ADCY5: variants seen among roughly 807,000 people sequenced by gnomAD.
The protein encoded by ADCY5 is adenylate cyclase 5.
ADCY5 carries 30 observed loss-of-function variants against 119.7 expected under a neutral mutation model. The ratio of observed to expected loss-of-function variants is 0.25; its 90% confidence interval spans 0.19 to 0.34. The LOEUF is 0.34. Among genes scored for constraint, ADCY5 ranks in the 10% least tolerant of loss-of-function variants. The probability of loss-of-function intolerance (pLI) is 1.00; values close to 1 mark genes in which losing one functional copy is unlikely to be tolerated. For missense variants in ADCY5, 1,324 were observed against 1,775.2 expected (o/e 0.75, Z 4.57); for synonymous variants, 753 against 762.2 (o/e 0.99, Z 0.20).
intron 3 of ADCY5, among the ~76,000 whole-genome samples, chr3:123,332,922 CTTT>C (rs74595302): frequency 7.1e-6 from 1 of 140,700 alleles, no homozygotes; most frequent in Non-Finnish European, 1.6e-5. Flanking sequence ...ACCTGGCTAA[CTTT>C]TTTTTTTTTT....
chr3:123,391,896 G>C (rs1944410437), intron 1 of ADCY5, among the ~76,000 whole-genome samples: 1 of 152,168 alleles, frequency 6.6e-6, no homozygotes, highest in Non-Finnish European at 1.5e-5. Flanking sequence ...CCTCCACCAA[G>C]CTCCCAGCTT....
intron 1 of ADCY5, among the ~76,000 whole-genome samples, chr3:123,383,117 T>C (rs1238717037): frequency 6.9e-6 from 1 of 143,958 alleles, no homozygotes; most frequent in Non-Finnish European, 1.5e-5. Context: ...GCACAACCAA[T>C]GGCCAAGTCC....
intron 3 of ADCY5, among the ~76,000 whole-genome samples, chr3:123,338,011 A>T (rs1942098254): frequency 6.6e-6 from 1 of 152,206 alleles, no homozygotes; most frequent in Admixed American, 6.5e-5. Context: ...TCCCAGCCAT[A>T]TGCACGGAAC....
At chr3:123,322,659 C>A (rs746417073) in intron 8 of ADCY5, among the ~76,000 whole-genome samples, 5 of 152,176 alleles carry the variant, frequency 3.3e-5, no homozygotes, top group Non-Finnish European at 7.4e-5. Flanking sequence ...AGCACCTGGG[C>A]CCCACCCTAC....
rs551871412 is a variant in ADCY5 at position 123,326,999 on chromosome 3, G to A, written c.1947+619C>T. Among the ~76,000 whole-genome samples the A allele has an allele frequency of 2.0e-5, 3 of 152,354 alleles. No homozygotes were observed. In the South Asian group the frequency reaches 6.2e-4, roughly 32 times the overall value. ...ATAAATTCCACAGAAAGACTCATAA[G>A]TAAAAGGCATTTTAGTTTAGGGAGA... On this transcript the variant is annotated intron_variant, in intron 7 of 20. Transcript: ENST00000462833.
At chr3:123,399,544 C>T (rs752409314) in intron 1 of ADCY5, among the ~76,000 whole-genome samples, 6 of 152,214 alleles carry the variant, frequency 3.9e-5, no homozygotes, top group East Asian at 1.9e-4. Context: ...AAACACATAA[C>T]GTAAAATCTA....
At chr3:123,326,474 G>A (rs924846080) in intron 7 of ADCY5, among the ~76,000 whole-genome samples, 6 of 152,158 alleles carry the variant, frequency 3.9e-5, no homozygotes, top group Admixed American at 2.6e-4. Flanking sequence ...CATCCTTTTT[G>A]GACCGCTTGT....
In ADCY5 at chr3:123,365,246, C is replaced by T. The variant is rs191724358; in HGVS notation, c.1135-12665G>A. On this transcript the variant is annotated intron_variant, in intron 1 of 20. Transcript: ENST00000462833. ...TGCTGGGATTACAGGCGTAAGCCAC[C>T]GCGCCCAGCCTTCATTTAATATTGT... 7.2e-5 allele frequency among the ~76,000 whole-genome samples: 11 copies of T among 152,316 alleles called. No individual in the cohort carries two copies. The East Asian group carries it at 9.6e-4, about 13-fold the overall frequency.
At chr3:123,409,692 G>A (rs2107621622) in intron 1 of ADCY5, among the ~76,000 whole-genome samples, 1 of 152,254 alleles carries the variant, frequency 6.6e-6, no homozygotes, top group Non-Finnish European at 1.5e-5. Context: ...AACTCTGGGA[G>A]CCCAGCAAGC....
rs1326286995 is a variant in ADCY5 at position 123,448,303 on chromosome 3, A to T, written c.243T>A (p.Pro81=). 28 of 1,540,158 alleles carry T rather than the reference A, an allele frequency of 1.8e-5. No individual in the cohort carries two copies. Among genetic ancestry groups the T allele is most frequent in the Non-Finnish European group, 2.4e-5 (28 of 1,154,132 alleles). ...CCAGGGGGTCGTCACCGCTCAGCGG[A>T]GGATCGTCGTCGTCGTCGCTGCGCC... The part of the protein sequence containing the change: ...SRWRSDDDDD[P]PLSGDDPLAG... Residue 81 remains proline (P), a synonymous_variant, in exon 1 of 21, where the codon CCT becomes CCA. Transcript: ENST00000462833.
chr3:123,353,180 A>G lies in ADCY5; in HGVS notation c.1135-599T>C, dbSNP rs1942903172. On this transcript the variant is annotated intron_variant, in intron 1 of 20. Transcript: ENST00000462833. ...TCTTTCTGTTGCCAGCTCTCTGACA[A>G]CCACTGCACCAGCCGGCCAGTGCCT... Among the ~76,000 whole-genome samples the G allele has an allele frequency of 2.0e-5, 3 of 152,240 alleles. No homozygotes were observed. The South Asian group carries it at 6.2e-4, about 32-fold the overall frequency.
chr3:123,296,059 C>T, intron 17 of ADCY5, 25 bp downstream of exon 17: 1 of 1,612,002 alleles, frequency 6.2e-7, no homozygotes, highest in Non-Finnish European at 8.5e-7. Flanking sequence ...CCTCCCTCCC[C>T]AGGTCCAGCC....
intron 1 of ADCY5, among the ~76,000 whole-genome samples, chr3:123,374,236 G>A (rs1282789722): frequency 6.6e-6 from 1 of 152,146 alleles, no homozygotes; most frequent in Non-Finnish European, 1.5e-5. Context: ...CACAGCACAG[G>A]TGGGGCAGTG....
chr3:123,441,212 T>G (rs538503025), intron 1 of ADCY5, among the ~76,000 whole-genome samples: 2 of 152,242 alleles, frequency 1.3e-5, no homozygotes, highest in Admixed American at 1.3e-4. Context: ...TAAATAGAGA[T>G]CCATTCCTGG....
Position 123,286,885 on chromosome 3 carries a change from G to A in ADCY5, c.3533-76C>T. The A allele has an allele frequency of 1.3e-6, 2 of 1,506,428 alleles. No individual in the cohort carries two copies. Among genetic ancestry groups the A allele is most frequent in the South Asian group, 1.3e-5 (1 of 74,774 alleles). The allele number at this position is 1,506,428 out of a possible 1,614,324, so 93.3% of individuals were successfully genotyped here. On this transcript the variant is annotated intron_variant, in intron 19 of 20. Transcript: ENST00000462833. This position sits in a 1 kb window ranked among gnomAD's most constrained non-coding sequence, Gnocchi z 4.2. ...GCCACCATCTGTCTCCCCACATGCT[G>A]CAGGTCCTTCTGACTCCCAACCTGA...
chr3:123,298,768 C>G (rs941745012), intron 15 of ADCY5, among the ~76,000 whole-genome samples: 1 of 150,576 alleles, frequency 6.6e-6, no homozygotes, highest in Non-Finnish European at 1.5e-5. Context: ...TGGATGAATC[C>G]CTTCCTCTCA....
intron 11 of ADCY5, among the ~76,000 whole-genome samples, chr3:123,317,750 C>CCA (rs1940994646): frequency 7.5e-6 from 1 of 133,608 alleles, no homozygotes; most frequent in Non-Finnish European, 1.6e-5. Context: ...CACGCCGACC[C>CCA]AAAAAAAAAA....
rs1306722379 is a variant in ADCY5, at chr3:123,352,814, A to G, written c.1135-233T>C. ...TTGTCATGGGATATGTCCTCTAAAGACACTGAATCACCTAATAATCATACT... is the reference window on the plus strand; with the variant it reads ...TTGTCATGGGATATGTCCTCTAAAGGCACTGAATCACCTAATAATCATACT... On this transcript the variant is annotated intron_variant, in intron 1 of 20. Transcript: ENST00000462833. This position sits in a 1 kb window ranked among gnomAD's most constrained non-coding sequence, Gnocchi z 4.8. 2.0e-5 allele frequency among the ~76,000 whole-genome samples: 3 copies of G among 152,188 alleles called. No homozygotes were observed. The highest frequency in any genetic ancestry group is 4.4e-5 in the Non-Finnish European group (3 of 68,024).
intron 12 of ADCY5, among the ~76,000 whole-genome samples, chr3:123,305,065 G>A (rs1372511794): frequency 6.6e-6 from 1 of 152,180 alleles, no homozygotes; most frequent in Non-Finnish European, 1.5e-5. Context: ...CAGACAGGGT[G>A]GTTGAAAAAG....
Sources: gnomAD v4.1 joint callset for allele counts (sites outside exome capture counted in the v4.1 genomes callset) on GRCh38, gnomAD v4.1.1 for gene constraint, Gnocchi (gnomAD v3.1) non-coding constraint, MANE v1.5 for transcripts, NCBI Gene and HGNC (gene_info 2026-07-23, HGNC 2026-07-21) for gene names.